Variants in MMS22L observed in about 807,000 individuals in gnomAD.
The protein encoded by MMS22L is protein MMS22-like.
MMS22L carries 74 observed loss-of-function variants against 159.1 expected under a neutral mutation model. The observed-to-expected ratio is 0.47, with a 90% CI of 0.39 to 0.56. The LOEUF (loss-of-function observed/expected upper bound fraction) is 0.56, where lower values mean the gene tolerates loss of function less well. MMS22L is among the 20% of genes least tolerant of loss of function. MMS22L has a pLI of 0.00. For missense variants in MMS22L, 1,351 were observed against 1,422.1 expected (o/e 0.95, Z 0.80); for synonymous variants, 517 against 506.9 (o/e 1.02, Z -0.27).
At chr6:97,274,406 T>C (rs1816052415) in intron 4 of MMS22L, among the ~76,000 whole-genome samples, 1 of 152,170 alleles carries the variant, frequency 6.6e-6, no homozygotes, top group South Asian at 2.1e-4. Context: ...TAAAAATAAC[T>C]GCAGTGAACA....
intron 14 of MMS22L, among the ~76,000 whole-genome samples, chr6:97,195,168 C>CAGGT (rs1806353605): frequency 6.6e-6 from 1 of 152,258 alleles, no homozygotes; most frequent in South Asian, 2.1e-4. Context: ...GGGAAACACA[C>CAGGT]AGGTATATGG....
chr6:97,215,082 CAT>C (rs1232073313), intron 14 of MMS22L, among the ~76,000 whole-genome samples: 1 of 142,480 alleles, frequency 7.0e-6, no homozygotes, highest in Non-Finnish European at 1.5e-5. Flanking sequence ...CACAATTAAT[CAT>C]GTTTTAAATA....
intron 9 of MMS22L, chr6:97,260,024 G>C (rs966747607): frequency 7.2e-5 from 11 of 152,080 alleles, no homozygotes; most frequent in African/African-American, 2.7e-4. Context: ...AGTTGACTTT[G>C]CAAGTCTAGT....
chr6:97,266,316 A>G (rs2128082549), intron 8 of MMS22L: 1 of 152,346 alleles, frequency 6.6e-6, no homozygotes, highest in South Asian at 2.1e-4. Context: ...CCTACTAGGT[A>G]TATTTGCAAA....
intron 13 of MMS22L, chr6:97,230,287 TAGAG>T (rs1252979420): frequency 6.9e-6 from 1 of 143,904 alleles, no homozygotes; most frequent in Non-Finnish European, 1.5e-5. Context: ...TTTTTTTTAG[TAGAG>T]ACAGAATTTC....
intron 9 of MMS22L, 47 bp downstream of exon 9, chr6:97,263,288 A>G (rs751666843): frequency 8.7e-7 from 1 of 1,145,558 alleles, no homozygotes; most frequent in South Asian, 1.4e-5. Context: ...GATTAAATCA[A>G]TATAAAGGTT....
chr6:97,215,114 A>ATATATATATTTT (rs1209431095), intron 14 of MMS22L, among the ~76,000 whole-genome samples: 1 of 87,190 alleles, frequency 1.1e-5, no homozygotes, highest in African/African-American at 3.5e-5. Context: ...ATATATATAT[A>ATATATATATTTT]TTTTTTTTTT....
chr6:97,201,918 T>C (rs1437740434), intron 14 of MMS22L, among the ~76,000 whole-genome samples: 1 of 152,214 alleles, frequency 6.6e-6, no homozygotes, highest in East Asian at 1.9e-4. Context: ...ACAAGCTATG[T>C]GTTTAAGATA....
chr6:97,270,088 A>G, intron 6 of MMS22L, 96 bp from the exon 7 acceptor site: 1 of 949,352 alleles, frequency 1.1e-6, no homozygotes, highest in Admixed American at 2.0e-5. Context: ...ACACAAGGAT[A>G]AAGAACCAAT....
intron 14 of MMS22L, among the ~76,000 whole-genome samples, chr6:97,197,031 C>T (rs1225301071): frequency 1.3e-5 from 2 of 151,944 alleles, no homozygotes; most frequent in African/African-American, 2.4e-5. Flanking sequence ...TTATGACCAA[C>T]AAGTTATAGT....
At chr6:97,226,114 C>T (rs576120198) in intron 14 of MMS22L, among the ~76,000 whole-genome samples, 21 of 152,016 alleles carry the variant, frequency 1.4e-4, no homozygotes, top group Non-Finnish European at 2.2e-4. Flanking sequence ...GTTAAATAAA[C>T]GTAAACTGGT....
intron 14 of MMS22L, among the ~76,000 whole-genome samples, chr6:97,208,043 A>G (rs948741310): frequency 1.3e-5 from 2 of 152,132 alleles, no homozygotes; most frequent in Non-Finnish European, 2.9e-5. Flanking sequence ...AGGTTTGTCT[A>G]AGTCATAATT....
rs114908487 is a variant in MMS22L at position 97,282,446 on chromosome 6, A to G, written c.32T>C (p.Leu11Pro). 1 of 1,613,890 alleles carries G rather than the reference A, an allele frequency of 6.2e-7. No individual in the cohort carries two copies. The highest frequency in any genetic ancestry group is 1.3e-5 in the African/African-American group (1 of 74,956). ...CAGCTCCAGCTCTAAGCTGTCAGTC[A>G]GGAACGTCGATGCAGCAGAACAGTT... MENCSAASTFLTDSLELELGT... is the reference protein window; with the variant it reads MENCSAASTFPTDSLELELGT... Residue 11 changes from leucine to proline, a missense_variant, in exon 2 of 25, where the codon CTG becomes CCG. By Grantham distance (98) the Leu-to-Pro change is moderately conservative. Coordinates refer to ENST00000683635, the MANE Select transcript of MMS22L (RefSeq NM_001350599.2).
intron 23 of MMS22L, among the ~76,000 whole-genome samples, chr6:97,150,305 G>A (rs939886206): frequency 2.0e-5 from 3 of 152,000 alleles, no homozygotes; most frequent in Admixed American, 6.6e-5. Flanking sequence ...ATCTAATCCC[G>A]GGACTTTTTT....
chr6:97,226,352 T>C (rs948522658), intron 14 of MMS22L, among the ~76,000 whole-genome samples: 6 of 152,182 alleles, frequency 3.9e-5, no homozygotes, highest in Admixed American at 2.0e-4. Flanking sequence ...CCCAGCATTT[T>C]GGGAGGCCGA....
chr6:97,148,256 G>A (rs1801007320), intron 24 of MMS22L, among the ~76,000 whole-genome samples: 1 of 152,110 alleles, frequency 6.6e-6, no homozygotes. Flanking sequence ...TATAATACTT[G>A]ATAATAAGAA....
chr6:97,174,701 C>G (rs1312172622), intron 18 of MMS22L, among the ~76,000 whole-genome samples: 3 of 152,096 alleles, frequency 2.0e-5, no homozygotes, highest in African/African-American at 7.2e-5. Context: ...TTCCACTGCT[C>G]CGGGTTTAGT....
chr6:97,270,294 G>T, intron 6 of MMS22L: 1 of 512,684 alleles, frequency 2.0e-6, no homozygotes, highest in Non-Finnish European at 3.8e-6. Context: ...CTGCAAGGCA[G>T]TAAAAGAATT....
intron 17 of MMS22L, 114 bp from the exon 18 acceptor site, chr6:97,178,699 T>G: frequency 2.2e-6 from 1 of 462,992 alleles, no homozygotes; most frequent in Non-Finnish European, 3.6e-6. Flanking sequence ...TATTCTTCAC[T>G]TATGACATGC....
Sources: allele counts gnomAD v4.1 joint callset (sites outside exome capture counted in the v4.1 genomes callset), GRCh38; gene constraint gnomAD v4.1.1; transcripts MANE v1.5; gene names NCBI Gene and HGNC (gene_info 2026-07-23, HGNC 2026-07-21).